Variants in C1S observed in about 807,000 individuals in gnomAD.
The protein encoded by C1S is complement C1s.
C1S carries 31 observed loss-of-function variants against 54.0 expected under a neutral mutation model. The observed-to-expected ratio is 0.57, with a 90% CI of 0.43 to 0.78. C1S has a LOEUF of 0.78. C1S is among the 30% of genes least tolerant of loss of function. The pLI is 0.00. For missense variants in C1S, 727 were observed against 851.8 expected (o/e 0.85, Z 1.82); for synonymous variants, 292 against 303.6 (o/e 0.96, Z 0.40).
Position 7,069,868 on chromosome 12 carries a change from C to G in C1S, c.1284C>G (p.Pro428=), listed in dbSNP as rs144851896. ...LPKCVPVCGV[P]REPFEEKQRI... is the part of the protein sequence containing the mutation. ...ATTCCTTCCTAGTCTGTGGAGTCCC[C>G]AGAGAACCCTTTGAAGAAAAACAGA... is the stretch of plus-strand genomic sequence containing the variant. The change falls in exon 12 of 12, where the codon CCC becomes CCG. Residue 428 remains proline (P), a synonymous_variant. Coordinates refer to ENST00000360817, the MANE Select transcript of C1S (RefSeq NM_001734.5). The G allele has an allele frequency of 6.8e-4, 1,099 of 1,614,044 alleles. 16 individuals are homozygous for G. The Middle Eastern group carries it at 0.037, about 55-fold the overall frequency.
Position 7,070,853 on chromosome 12 carries a change from T to A in C1S, c.*202T>A. 1.6e-6 allele frequency: 1 copy of A among 611,634 alleles called. No individual in the cohort carries two copies. The highest frequency in any genetic ancestry group is 2.9e-6 in the Non-Finnish European group (1 of 341,962). The allele number at this position is 611,634 out of a possible 1,614,324, so 37.9% of individuals were successfully genotyped here. Reference sequence around the variant, plus strand: ...GTCATACATTTGTGGTCTGACTCCTTGGGGTCCTTTCCCCGGAGTACCTAT... The same window carrying A: ...GTCATACATTTGTGGTCTGACTCCTAGGGGTCCTTTCCCCGGAGTACCTAT... On this transcript the variant is annotated 3_prime_UTR_variant, in exon 12 of 12. Transcript: ENST00000360817. The surrounding 1 kb of genome is among the most constrained non-coding windows in gnomAD (Gnocchi z 4.9).
At chr12:7,062,449 G>T in intron 2 of C1S, 26 bp from the exon 3 acceptor site, 1 of 1,591,794 alleles carries the variant, frequency 6.3e-7, no homozygotes, top group South Asian at 1.1e-5. Context: ...CTGGTCACCC[G>T]CCAATCTATG....
intron 11 of C1S, chr12:7,068,766 G>T: frequency 1.8e-6 from 1 of 566,100 alleles, no homozygotes; most frequent in Non-Finnish European, 3.2e-6. Flanking sequence ...GACAGTTGGT[G>T]TCTGGTAATG....
rs1186555500 is a variant in C1S, at chr12:7,067,630, C to T, written c.1067-13C>T. On this transcript the variant is annotated splice_polypyrimidine_tract_variant and intron_variant, in intron 9 of 11. Transcript: ENST00000360817. ...GCTGTCCTGACCATCGCTCTCCTTC[C>T]TTCGTCTGGTAGCTGTGGACTGTGG... 6.2e-7 allele frequency: 1 copy of T among 1,613,720 alleles called. No homozygotes were observed. Among genetic ancestry groups the T allele is most frequent in the Admixed American group, 1.7e-5 (1 of 60,022 alleles).
intron 6 of C1S, 79 bp downstream of exon 6, chr12:7,065,378 CA>C (rs782807278): frequency 6.4e-5 from 65 of 1,010,274 alleles, no homozygotes; most frequent in Non-Finnish European, 8.3e-5. Flanking sequence ...TTTTTTCATA[CA>C]GCATCTTTCT....
rs781843228 is a variant in C1S at position 7,070,501 on chromosome 12, G to C, written c.1917G>C (p.Gln639His). ...ACAGTGGTGGGGCCTTTGCTGTACA[G>C]GATCCCAATGACAAGACCAAATTCT... is the stretch of plus-strand genomic sequence containing the variant. ...KGDSGGAFAV[Q>H]DPNDKTKFYA... is the part of the protein sequence containing the mutation. The change falls in exon 12 of 12, where the codon CAG becomes CAC. Residue 639 changes from glutamine (Q) to histidine (H), a missense_variant. Coordinates refer to ENST00000360817, the MANE Select transcript of C1S (RefSeq NM_001734.5). The surrounding 1 kb of genome is among the most constrained non-coding windows in gnomAD (Gnocchi z 4.9). 2.2e-5 allele frequency: 35 copies of C among 1,613,824 alleles called. No individual in the cohort carries two copies. The highest frequency in any genetic ancestry group is 1.7e-4 in the Admixed American group (10 of 59,972).
rs782811373 is a variant in C1S, at chr12:7,065,026, G to A, written c.518-74G>A. 23 of 1,275,228 alleles carry A rather than the reference G, an allele frequency of 1.8e-5. No individual in the cohort carries two copies. In the South Asian group the frequency reaches 2.8e-4, roughly 16 times the overall value. 79.0% of individuals were successfully genotyped at this position (1,275,228 alleles called of 1,614,324 possible). On this transcript the variant is annotated intron_variant, in intron 5 of 11. Transcript: ENST00000360817. ...CAGGACTGTCAGTTTCTGAGAGAAG[G>A]AATCATAGAATAGTGCAGGAATTCC...
Position 7,062,543 on chromosome 12 carries a change from C to G in C1S, c.74C>G (p.Ser25Cys). 6.2e-7 allele frequency: 1 copy of G among 1,613,842 alleles called. No individual in the cohort carries two copies. Among genetic ancestry groups the G allele is most frequent in the South Asian group, 1.1e-5 (1 of 91,074 alleles). Reference protein sequence around the residue: ...AEPTMYGEILSPNYPQAYPSE... With the variant: ...AEPTMYGEILCPNYPQAYPSE... Reference sequence around the variant, plus strand: ...CCTACCATGTATGGGGAGATCCTGTCCCCTAACTATCCTCAGGCATATCCC... The same window carrying G: ...CCTACCATGTATGGGGAGATCCTGTGCCCTAACTATCCTCAGGCATATCCC... Residue 25 changes from serine to cysteine, a missense_variant, in exon 3 of 12, where the codon TCC becomes TGC. Ser to Cys is a moderately radical substitution (Grantham distance 112, BLOSUM62 -1). Coordinates refer to ENST00000360817, the MANE Select transcript of C1S (RefSeq NM_001734.5).
chr12:7,067,929 T>G (rs1041035162), intron 10 of C1S, 158 bp downstream of exon 10: 12 of 799,410 alleles, frequency 1.5e-5, no homozygotes, highest in Non-Finnish European at 2.3e-5. Context: ...AGTTTTCATC[T>G]GGAGCAGGGC....
Position 7,070,492 on chromosome 12 carries a change from T to C in C1S, c.1908T>C (p.Phe636=), listed in dbSNP as rs1422096792. Residue 636 remains phenylalanine, a synonymous_variant, in exon 12 of 12, where the codon TTT becomes TTC. Transcript: ENST00000360817. The surrounding 1 kb of genome is among the most constrained non-coding windows in gnomAD (Gnocchi z 4.9). ...GTAAAGGGGACAGTGGTGGGGCCTT[T>C]GCTGTACAGGATCCCAATGACAAGA... The part of the protein sequence containing the change: ...DSCKGDSGGA[F]AVQDPNDKTK... 2 of 1,614,122 alleles carry C rather than the reference T, an allele frequency of 1.2e-6. No individual in the cohort carries two copies. Among genetic ancestry groups the C allele is most frequent in the Non-Finnish European group, 1.7e-6 (2 of 1,179,992 alleles).
chr12:7,065,715 T>C (rs1947165159), intron 6 of C1S, 102 bp from the exon 7 acceptor site: 4 of 1,004,216 alleles, frequency 4.0e-6, no homozygotes, highest in Non-Finnish European at 6.3e-6. Flanking sequence ...TTCTTCTTAT[T>C]TTATGTGACA....
rs782205734 is a variant in C1S, at chr12:7,068,492, A to G, written c.1232A>G (p.Asn411Ser). The part of the protein sequence containing the change: ...YHCAGNGSWV[N>S]EVLGPELPKC... ...TGTGCTGGTAACGGGAGCTGGGTGA[A>G]TGAGGTGCTGGGCCCGGAGCTGCCG... The change falls in exon 11 of 12, where the codon AAT (asparagine) becomes AGT (serine). Residue 411 changes from asparagine (N) to serine (S), a missense_variant. Physicochemically the swap from Asn to Ser is conservative, Grantham distance 46 (BLOSUM62 1). Around this residue, in one of 3 missense-constraint regions of C1S, gnomAD observed 360 missense variants for 453.6 expected, o/e 0.79. Transcript: ENST00000360817. 6.2e-7 allele frequency: 1 copy of G among 1,613,886 alleles called. No individual in the cohort carries two copies. The highest frequency in any genetic ancestry group is 1.1e-5 in the South Asian group (1 of 91,072).
Position 7,068,756 on chromosome 12 carries a change from G to A in C1S, c.1270+226G>A, listed in dbSNP as rs1368989236. ...GAAGGAAATAGAAACGTCAGCCAGCGACAGTTGGTGTCTGGTAATGTAGCT... is the reference window on the plus strand; with the variant it reads ...GAAGGAAATAGAAACGTCAGCCAGCAACAGTTGGTGTCTGGTAATGTAGCT... On this transcript the variant is annotated intron_variant, in intron 11 of 11. Coordinates refer to ENST00000360817, the MANE Select transcript of C1S (RefSeq NM_001734.5). 1.6e-5 allele frequency: 9 copies of A among 575,724 alleles called. No homozygotes were observed. The Middle Eastern group carries it at 1.4e-3, about 88-fold the overall frequency. The allele number at this position is 575,724 out of a possible 1,614,324, so 35.7% of individuals were successfully genotyped here. A position where few individuals can be genotyped will look rare whatever the true frequency, so the allele number is the denominator to read the frequency against.
chr12:7,066,534 G>T lies in C1S; in HGVS notation c.888G>T (p.Lys296Asn), dbSNP rs1166218469. The change falls in exon 8 of 12, where the codon AAG becomes AAT. Residue 296 changes from lysine (K) to asparagine (N), a missense_variant. Transcript: ENST00000360817. ...RYHGDPMPCP[K>N]EDTPNSVWEP... The stretch of plus-strand genomic sequence containing the variant: ...TCTTTCAAGCAATGCCCTGCCCTAA[G>T]GAAGACACTCCCAATTCTGTTTGGG... 1.9e-5 allele frequency: 30 copies of T among 1,610,908 alleles called. No homozygotes were observed. Among genetic ancestry groups the T allele is most frequent in the Non-Finnish European group, 2.5e-5 (30 of 1,177,018 alleles).
intron 5 of C1S, 100 bp downstream of exon 5, chr12:7,064,492 G>GC: frequency 2.6e-6 from 3 of 1,158,244 alleles, no homozygotes; most frequent in South Asian, 1.4e-5. Flanking sequence ...ATTAGGCCAA[G>GC]CCTTCATTTG....
chr12:7,062,378 T>G (rs1947104234), intron 2 of C1S, 97 bp from the exon 3 acceptor site: 4 of 893,594 alleles, frequency 4.5e-6, no homozygotes, highest in Non-Finnish European at 5.5e-6. Context: ...TGACTGCCTC[T>G]CTTCTTCCCC....
chr12:7,062,434 G>A (rs1293202120), intron 2 of C1S, 41 bp from the exon 3 acceptor site: 2 of 1,482,740 alleles, frequency 1.3e-6, no homozygotes, highest in South Asian at 1.1e-5. Flanking sequence ...CTAGGCTACT[G>A]GTGCCTGGTC....
chr12:7,063,372 A>G (rs781857844), intron 4 of C1S: 2 of 491,474 alleles, frequency 4.1e-6, no homozygotes, highest in South Asian at 3.1e-5. Flanking sequence ...CGTCACTTTA[A>G]TCCTTCAAGG....
chr12:7,063,760 C>T (rs1399943761), intron 4 of C1S: 1 of 347,654 alleles, frequency 2.9e-6, no homozygotes, highest in Non-Finnish European at 5.7e-6. Context: ...CATGGTAGCT[C>T]ACACCTGTAA....
Sources: gnomAD v4.1 joint callset for allele counts on GRCh38, gnomAD v4.1.1 for gene constraint, gnomAD v4.1.1 regional missense constraint, Gnocchi (gnomAD v3.1) non-coding constraint, MANE v1.5 for transcripts, NCBI Gene and HGNC (gene_info 2026-07-23, HGNC 2026-07-21) for gene names.